RAD51B: variants seen among roughly 807,000 people sequenced by gnomAD.
RAD51B encodes the protein RAD51 paralog B.
RAD51B carries 38 observed loss-of-function variants against 42.2 expected under a neutral mutation model. The ratio of observed to expected loss-of-function variants is 0.90; its 90% CI spans 0.70 to 1.18. The LOEUF is 1.18. Among genes scored for constraint, RAD51B ranks in the 50% most tolerant of loss-of-function variants. The probability of loss-of-function intolerance (pLI) is 0.00; values close to 1 mark genes in which losing one functional copy is unlikely to be tolerated. For missense variants in RAD51B, 373 were observed against 400.7 expected, an observed-to-expected ratio of 0.93 and a Z score of 0.59; for synonymous variants, 154 against 145.2, an observed-to-expected ratio of 1.06 and a Z score of -0.43.
intron 8 of RAD51B, among the ~76,000 whole-genome samples, chr14:68,323,310 G>A (rs1384219826): frequency 6.6e-6 from 1 of 152,196 alleles, no homozygotes; most frequent in African/African-American, 2.4e-5. Context: ...ACCTGAAGAT[G>A]TGAGCATTCA....
intron 5 of RAD51B, among the ~76,000 whole-genome samples, chr14:67,878,914 A>T (rs918881998): frequency 7.9e-5 from 12 of 152,150 alleles, no homozygotes; most frequent in East Asian, 1.9e-4. Context: ...GGGTTTCGCC[A>T]TGTTGGCCAG....
intron 8 of RAD51B, chr14:68,339,339 T>C: frequency 9.7e-7 from 1 of 1,030,078 alleles, no homozygotes; most frequent in Non-Finnish European, 1.5e-6. Flanking sequence ...TCTCTGCCGC[T>C]GCAACCTGAT....
chr14:68,054,689 G>A (rs2076445689), intron 7 of RAD51B, among the ~76,000 whole-genome samples: 1 of 152,112 alleles, frequency 6.6e-6, no homozygotes, highest in Non-Finnish European at 1.5e-5. Context: ...GGTGCTTTTT[G>A]GTTTTAGTCT....
intron 7 of RAD51B, among the ~76,000 whole-genome samples, chr14:68,040,091 C>A (rs924519495): frequency 2.0e-5 from 3 of 152,178 alleles, no homozygotes; most frequent in Non-Finnish European, 4.4e-5. Flanking sequence ...GATAGCTTCA[C>A]AATTCATGAT....
At chr14:68,211,356 C>T (rs1372470639) in intron 7 of RAD51B, among the ~76,000 whole-genome samples, 3 of 152,272 alleles carry the variant, frequency 2.0e-5, no homozygotes, top group East Asian at 3.9e-4. Context: ...CCATTGAAAC[C>T]AATGTTTGGA....
chr14:67,971,215 T>C (rs960184796), intron 7 of RAD51B, among the ~76,000 whole-genome samples: 13 of 152,206 alleles, frequency 8.5e-5, no homozygotes, highest in South Asian at 6.2e-4. Flanking sequence ...GAAAGGTTTT[T>C]TTTCCTTATT....
chr14:68,263,655 A>G (rs1026463156), intron 7 of RAD51B, among the ~76,000 whole-genome samples: 1 of 152,246 alleles, frequency 6.6e-6, no homozygotes, highest in Non-Finnish European at 1.5e-5. Flanking sequence ...ACACTTTTCT[A>G]TAAGTAAAAA....
At chr14:68,393,368 C>T (rs915060696) in intron 8 of RAD51B, among the ~76,000 whole-genome samples, 9 of 152,284 alleles carry the variant, frequency 5.9e-5, no homozygotes, top group Non-Finnish European at 1.0e-4. Context: ...GGATTCAGCC[C>T]GGAGTTTCAA....
intron 7 of RAD51B, among the ~76,000 whole-genome samples, chr14:68,030,132 C>G (rs183843290): frequency 9.2e-5 from 14 of 152,280 alleles, no homozygotes; most frequent in African/African-American, 3.4e-4. Flanking sequence ...TAGCATAATT[C>G]TTAGGAGCCT....
rs2042836409 is a variant in RAD51B, at chr14:67,879,458, TA to T, written c.453-6409del. On this transcript the variant is annotated intron_variant, in intron 5 of 10. Transcript: ENST00000471583. ...TTTTGTTTGTTTTTTGTTTTTTTTTTAAGAGACAGGGCCTCGCTCTGTCACC... is the reference window on the plus strand; with the variant it reads ...TTTTGTTTGTTTTTTGTTTTTTTTTTAGAGACAGGGCCTCGCTCTGTCACC... Among the ~76,000 whole-genome samples, 4 of 152,112 alleles carry T rather than the reference TA, an allele frequency of 2.6e-5. No individual in the cohort carries two copies. The South Asian group carries it at 8.3e-4, about 32-fold the overall frequency.
intron 10 of RAD51B, among the ~76,000 whole-genome samples, chr14:68,488,435 C>T (rs1883808663): frequency 6.6e-6 from 1 of 152,112 alleles, no homozygotes; most frequent in African/African-American, 2.4e-5. Context: ...AGGCCCCAAC[C>T]TTGGGCTCTG....
intron 5 of RAD51B, among the ~76,000 whole-genome samples, chr14:67,868,478 T>G (rs548631683): frequency 6.6e-6 from 1 of 152,246 alleles, no homozygotes; most frequent in South Asian, 2.1e-4. Flanking sequence ...CAGTCTGAGA[T>G]CAAACTGCAA....
intron 10 of RAD51B, among the ~76,000 whole-genome samples, chr14:68,543,408 A>T (rs1396384209): frequency 6.6e-6 from 1 of 152,250 alleles, no homozygotes; most frequent in Non-Finnish European, 1.5e-5. Flanking sequence ...GAAATCTGGA[A>T]ATAGAAATGA....
intron 7 of RAD51B, among the ~76,000 whole-genome samples, chr14:68,227,912 A>G (rs1195081301): frequency 1.3e-5 from 2 of 152,196 alleles, no homozygotes; most frequent in African/African-American, 2.4e-5. Flanking sequence ...GCATATTATT[A>G]TGCCATTAAT....
At chr14:68,458,446 T>C (rs1384934864) in intron 9 of RAD51B, among the ~76,000 whole-genome samples, 1 of 152,190 alleles carries the variant, frequency 6.6e-6, no homozygotes, top group Non-Finnish European at 1.5e-5. Context: ...AACATCCTAC[T>C]GATCAGAAAA....
intron 7 of RAD51B, among the ~76,000 whole-genome samples, chr14:68,006,342 T>A (rs2075592254): frequency 6.6e-6 from 1 of 152,226 alleles, no homozygotes; most frequent in Non-Finnish European, 1.5e-5. Context: ...TAAATAGTTA[T>A]CCAAACTTTC....
chr14:68,147,984 C>T (rs1031808729), intron 7 of RAD51B, among the ~76,000 whole-genome samples: 1 of 152,128 alleles, frequency 6.6e-6, no homozygotes, highest in African/African-American at 2.4e-5. Flanking sequence ...ATGTCTCTTA[C>T]CCTTCCTTAC....
intron 7 of RAD51B, among the ~76,000 whole-genome samples, chr14:68,261,924 G>A (rs931143187): frequency 1.3e-5 from 2 of 152,126 alleles, no homozygotes; most frequent in East Asian, 1.9e-4. Context: ...GGCCGGGGAC[G>A]CTGGGTCAGG....
intron 7 of RAD51B, among the ~76,000 whole-genome samples, chr14:67,889,392 ACTG>A (rs2043152706): frequency 6.6e-6 from 1 of 150,964 alleles, no homozygotes; most frequent in South Asian, 2.1e-4. Flanking sequence ...GCACCATAGT[ACTG>A]TTCAAATTAA....
Sources: allele counts gnomAD v4.1 joint callset (sites outside exome capture counted in the v4.1 genomes callset), GRCh38; gene constraint gnomAD v4.1.1; transcripts MANE v1.5; gene names NCBI Gene and HGNC (gene_info 2026-07-23, HGNC 2026-07-21).